DYRK1A: variants seen among roughly 807,000 people sequenced by gnomAD.
DYRK1A encodes dual specificity tyrosine-phosphorylation-regulated kinase 1A.
Under a neutral mutation model 79.7 loss-of-function variants are expected in DYRK1A, and 9 were observed. The observed-to-expected ratio is 0.11, with a 90% CI of 0.07 to 0.20. DYRK1A has a LOEUF of 0.20. Among genes scored for constraint, DYRK1A ranks in the 10% least tolerant of loss-of-function variants. The pLI is 1.00. For synonymous variants in DYRK1A, 349 were observed against 329.7 expected (o/e 1.06, Z -0.63); for missense variants, 622 against 956.0 (o/e 0.65, Z 4.61).
chr21:37,481,028 A>C, intron 5 of DYRK1A: 2 of 468,698 alleles, frequency 4.3e-6, no homozygotes, highest in Non-Finnish European at 7.4e-6. Context: ...ACTTCTAAAA[A>C]CTTTTATGGC....
chr21:37,392,491 G>A (rs183703007), intron 1 of DYRK1A, among the ~76,000 whole-genome samples: 1 of 152,320 alleles, frequency 6.6e-6, no homozygotes, highest in East Asian at 1.9e-4. Context: ...ATTTTTCACA[G>A]TTCTGGAGGC....
At chr21:37,504,472 T>TA (rs2053539149) in intron 9 of DYRK1A, 1 of 152,246 alleles carries the variant, frequency 6.6e-6, no homozygotes, top group Middle Eastern at 3.2e-3. Flanking sequence ...TGGATCCTCA[T>TA]ACAGCTCTCT....
chr21:37,466,091 A>G (rs1417551028), intron 2 of DYRK1A, among the ~76,000 whole-genome samples: 2 of 152,236 alleles, frequency 1.3e-5, no homozygotes, highest in African/African-American at 2.4e-5. Flanking sequence ...TGATAACAGC[A>G]GTAATCAAGG....
At chr21:37,498,721 G>GTATGTT (rs1457707304) in intron 9 of DYRK1A, among the ~76,000 whole-genome samples, 1 of 152,098 alleles carries the variant, frequency 6.6e-6, no homozygotes, top group Non-Finnish European at 1.5e-5. Flanking sequence ...AGGTCATGGG[G>GTATGTT]TATGTGTTTA....
At chr21:37,445,229 A>AG (rs2051228793) in intron 2 of DYRK1A, among the ~76,000 whole-genome samples, 1 of 152,250 alleles carries the variant, frequency 6.6e-6, no homozygotes, top group Admixed American at 6.5e-5. Flanking sequence ...CACTTACAGA[A>AG]GGCAAGAGTA....
At chr21:37,484,979 G>A (rs1413585057) in intron 5 of DYRK1A, among the ~76,000 whole-genome samples, 1 of 152,142 alleles carries the variant, frequency 6.6e-6, no homozygotes, top group Non-Finnish European at 1.5e-5. Context: ...TCCACATTCT[G>A]TGTCAGGTTA....
chr21:37,454,073 A>T (rs2051549677), intron 2 of DYRK1A, among the ~76,000 whole-genome samples: 3 of 132,354 alleles, frequency 2.3e-5, no homozygotes, highest in Admixed American at 1.5e-4. Flanking sequence ...TCATATTATG[A>T]GATGTAGTCT....
intron 2 of DYRK1A, among the ~76,000 whole-genome samples, chr21:37,451,345 T>G: frequency 7.2e-6 from 1 of 138,962 alleles, no homozygotes; most frequent in African/African-American, 2.5e-5. Flanking sequence ...TCTCTCTTCC[T>G]CTCCGTCCCT....
intron 2 of DYRK1A, chr21:37,430,463 T>A: frequency 1.0e-6 from 1 of 960,588 alleles, no homozygotes; most frequent in Non-Finnish European, 1.2e-6. Context: ...ACTAGGATAG[T>A]TTTTACTTTC....
chr21:37,440,302 AT>A (rs1396685678), intron 2 of DYRK1A, among the ~76,000 whole-genome samples: 2 of 150,620 alleles, frequency 1.3e-5, no homozygotes, highest in African/African-American at 2.4e-5. Context: ...CGTCTGGCTA[AT>A]TTTTTGTATT....
At chr21:37,479,547 C>T (rs2052524866) in intron 4 of DYRK1A, among the ~76,000 whole-genome samples, 1 of 112,578 alleles carries the variant, frequency 8.9e-6, no homozygotes, top group Non-Finnish European at 1.8e-5. Flanking sequence ...CCTAGTTCAT[C>T]TAGTATTTTT....
intron 1 of DYRK1A, among the ~76,000 whole-genome samples, chr21:37,368,672 C>T (rs2049367671): frequency 6.6e-6 from 1 of 152,094 alleles, no homozygotes; most frequent in Admixed American, 6.5e-5. Flanking sequence ...GGAACTGTTC[C>T]CATTTTATAG....
Position 37,519,750 on chromosome 21 carries a change from T to TTGTTTTGTTTTGTTTTG in DYRK1A, c.*7220_*7221insGTTTTGTTTTGTTTTGT, listed in dbSNP as rs1294753507. On this transcript the variant is annotated 3_prime_UTR_variant, in exon 12 of 12. Transcript: ENST00000647188. ...TGTTGTGGGAAGTTTTTTTTTTTTT[T>TTGTTTTGTTTTGTTTTG]TTTTTTTTTGAGGCGGAGTCTCGCT... is the stretch of plus-strand genomic sequence containing the variant. 1 of 140,722 alleles carries TTGTTTTGTTTTGTTTTG rather than the reference T, an allele frequency of 7.1e-6. No individual in the cohort carries two copies. Among genetic ancestry groups the TTGTTTTGTTTTGTTTTG allele is most frequent in the Non-Finnish European group, 1.5e-5 (1 of 66,658 alleles). 8.7% of individuals were successfully genotyped at this position (140,722 alleles called of 1,614,324 possible).
intron 1 of DYRK1A, among the ~76,000 whole-genome samples, chr21:37,398,283 A>C (rs1422739536): frequency 6.6e-6 from 1 of 151,454 alleles, no homozygotes; most frequent in Non-Finnish European, 1.5e-5. Context: ...CCAGGGCTGC[A>C]GTATGGTAGG....
Position 37,432,729 on chromosome 21 carries a change from G to A in DYRK1A, c.10+12345G>A, listed in dbSNP as rs542442012. Among the ~76,000 whole-genome samples the A allele has an allele frequency of 2.1e-4, 32 of 152,174 alleles. No individual in the cohort carries two copies. In the South Asian group the frequency reaches 5.8e-3, roughly 28 times the overall value. Reference sequence around the variant, plus strand: ...CATTGAGAGGATAGAGGCTGTTTCCGTGTCTCAAGCATCATTAACTGCAGA... The same window carrying A: ...CATTGAGAGGATAGAGGCTGTTTCCATGTCTCAAGCATCATTAACTGCAGA... On this transcript the variant is annotated intron_variant, in intron 2 of 11. Coordinates refer to ENST00000647188, the MANE Select transcript of DYRK1A (RefSeq NM_001347721.2).
intron 1 of DYRK1A, among the ~76,000 whole-genome samples, chr21:37,379,012 T>G (rs1002407903): frequency 3.9e-5 from 6 of 151,918 alleles, no homozygotes; most frequent in Non-Finnish European, 7.4e-5. Context: ...GAAATGAAGG[T>G]GACTTTGAAG....
At chr21:37,408,618 C>G (rs1761916470) in intron 1 of DYRK1A, among the ~76,000 whole-genome samples, 1 of 152,102 alleles carries the variant, frequency 6.6e-6, no homozygotes, top group Non-Finnish European at 1.5e-5. Flanking sequence ...AAAGTACTAG[C>G]TTTTGTGCCC....
chr21:37,401,163 T>G (rs974345076), intron 1 of DYRK1A, among the ~76,000 whole-genome samples: 2 of 151,694 alleles, frequency 1.3e-5, no homozygotes, highest in African/African-American at 4.8e-5. Context: ...GGAAAGAAAA[T>G]AGGTTATAAT....
chr21:37,520,480 T>C lies in DYRK1A; in HGVS notation c.*7949T>C, dbSNP rs199628057. 1 of 152,182 alleles carries C rather than the reference T, an allele frequency of 6.6e-6. No individual in the cohort carries two copies. The highest frequency in any genetic ancestry group is 1.9e-4 in the East Asian group (1 of 5,200). 9.4% of individuals were successfully genotyped at this position (152,182 alleles called of 1,614,324 possible). ...ATTAGGTGACTACATCGAGCCTGGG[T>C]TCTCTCAGTATTAGCCTGTTATTCC... is the stretch of plus-strand genomic sequence containing the variant. On this transcript the variant is annotated 3_prime_UTR_variant, in exon 12 of 12. Coordinates refer to ENST00000647188, the MANE Select transcript of DYRK1A (RefSeq NM_001347721.2).
Sources: allele counts gnomAD v4.1 joint callset (sites outside exome capture counted in the v4.1 genomes callset), GRCh38; gene constraint gnomAD v4.1.1; transcripts MANE v1.5; gene names NCBI Gene and HGNC (gene_info 2026-07-23, HGNC 2026-07-21).